Variants in SMOC2 observed in about 807,000 individuals in gnomAD.
SMOC2 encodes the protein SPARC-related modular calcium-binding protein 2.
A neutral mutation model predicts 61.4 loss-of-function variants in SMOC2; 39 were observed. The ratio of observed to expected loss-of-function variants is 0.64; its 90% CI spans 0.49 to 0.83. SMOC2 has a LOEUF of 0.83. Ranked by LOEUF, SMOC2 falls within the 40% of genes least tolerant of loss-of-function variation. SMOC2 has a pLI of 0.00. For missense variants in SMOC2, 556 were observed against 592.9 expected (o/e 0.94, Z 0.65); for synonymous variants, 247 against 239.9 (o/e 1.03, Z -0.27).
intron 1 of SMOC2, among the ~76,000 whole-genome samples, chr6:168,503,070 T>C (rs1359083460): frequency 9.4e-5 from 10 of 106,942 alleles, no homozygotes; most frequent in Non-Finnish European, 1.1e-4. Context: ...CTGGCCTTTT[T>C]TTTTTTTTTT....
intron 1 of SMOC2, among the ~76,000 whole-genome samples, chr6:168,458,578 T>C (rs1378550450): frequency 6.6e-6 from 1 of 152,174 alleles, no homozygotes; most frequent in Non-Finnish European, 1.5e-5. Flanking sequence ...CAACACCCTT[T>C]GCCTTCATTG....
chr6:168,664,507 C>G (rs1238210948), intron 12 of SMOC2: 1 of 395,216 alleles, frequency 2.5e-6, no homozygotes, highest in Non-Finnish European at 4.9e-6. Context: ...CGCCACCGTA[C>G]CCGGCTGAAT....
Position 168,527,740 on chromosome 6 carries a change from TG to T in SMOC2, c.463+14del, listed in dbSNP as rs1175544859. 12 of 1,531,092 alleles carry T rather than the reference TG, an allele frequency of 7.8e-6. No individual in the cohort carries two copies. In the African/African-American group the frequency reaches 1.4e-4, roughly 18 times the overall value. 94.8% of individuals were successfully genotyped at this position (1,531,092 alleles called of 1,614,324 possible). The stretch of plus-strand genomic sequence containing the variant: ...CCCCGGTGCCCGGGTAGGTCTGACG[TG>T]CCTTTCCAAGTGGAAGGCTTGAAGG... On this transcript the variant is annotated intron_variant, in intron 4 of 12. Coordinates refer to ENST00000356284, the MANE Select transcript of SMOC2 (RefSeq NM_001166412.2).
At chr6:168,505,357 A>G (rs569593075) in intron 1 of SMOC2, among the ~76,000 whole-genome samples, 2 of 150,680 alleles carry the variant, frequency 1.3e-5, no homozygotes, top group Non-Finnish European at 2.9e-5. Context: ...CAGATGCCAG[A>G]TGAATGACTG....
chr6:168,465,032 C>T (rs1362599225), intron 1 of SMOC2, among the ~76,000 whole-genome samples: 5 of 152,020 alleles, frequency 3.3e-5, no homozygotes, highest in South Asian at 4.2e-4. Context: ...CGTCCAGGAG[C>T]GGCCCCACCT....
intron 1 of SMOC2, among the ~76,000 whole-genome samples, chr6:168,469,033 T>C (rs1472274189): frequency 7.9e-5 from 12 of 152,264 alleles, no homozygotes; most frequent in Admixed American, 7.8e-4. Flanking sequence ...CAGGTCTGGC[T>C]AACCTTGGCT....
intron 7 of SMOC2, among the ~76,000 whole-genome samples, chr6:168,595,061 G>C (rs71536612): frequency 0.42 from 3,272 of 7,860 alleles, 525 homozygotes; most frequent in Middle Eastern, 0.56. Flanking sequence ...TCTAGAGGAT[G>C]GCCGAGCTCC....
intron 1 of SMOC2, among the ~76,000 whole-genome samples, chr6:168,507,078 A>G (rs1178245503): frequency 1.3e-5 from 2 of 152,234 alleles, no homozygotes; most frequent in African/African-American, 2.4e-5. Context: ...TACATTATCA[A>G]GAATTATGGT....
At chr6:168,473,379 C>A (rs1453597388) in intron 1 of SMOC2, among the ~76,000 whole-genome samples, 1 of 152,194 alleles carries the variant, frequency 6.6e-6, no homozygotes, top group Non-Finnish European at 1.5e-5. Flanking sequence ...TGCTCAGGTC[C>A]TTTCCCTGCA....
At chr6:168,534,914 G>A (rs941075507) in intron 4 of SMOC2, among the ~76,000 whole-genome samples, 1 of 152,124 alleles carries the variant, frequency 6.6e-6, no homozygotes, top group African/African-American at 2.4e-5. Context: ...GCCCCAATTT[G>A]TATAGGTCTA....
At chr6:168,580,816 G>A (rs545296225) in intron 7 of SMOC2, among the ~76,000 whole-genome samples, 165 of 152,300 alleles carry the variant, frequency 1.1e-3, no homozygotes, top group African/African-American at 3.8e-3. Flanking sequence ...GTGTGGGTAA[G>A]CCACCATGCC....
rs774504067 is a variant in SMOC2, at chr6:168,608,115, G to A, written c.825-42G>A. The A allele has an allele frequency of 6.3e-5, 100 of 1,576,374 alleles. 1 individual carries two copies. The highest frequency in any genetic ancestry group is 3.0e-4 in the South Asian group (26 of 87,480). Reference sequence around the variant, plus strand: ...ACAAACCACAGCTGGTCTCAAGCCCGTTGTTTTCTCTCTCCTTCCCCCGCC... The same window carrying A: ...ACAAACCACAGCTGGTCTCAAGCCCATTGTTTTCTCTCTCCTTCCCCCGCC... On this transcript the variant is annotated intron_variant, in intron 8 of 12. Coordinates refer to ENST00000356284, the MANE Select transcript of SMOC2 (RefSeq NM_001166412.2).
intron 9 of SMOC2, among the ~76,000 whole-genome samples, chr6:168,638,033 C>T (rs1447296976): frequency 2.0e-5 from 3 of 149,632 alleles, no homozygotes; most frequent in Non-Finnish European, 4.5e-5. Context: ...TGCACATCTG[C>T]GCACTCCCTG....
chr6:168,577,632 G>T (rs1183616549), intron 7 of SMOC2, among the ~76,000 whole-genome samples: 1 of 152,168 alleles, frequency 6.6e-6, no homozygotes, highest in East Asian at 1.9e-4. Flanking sequence ...ATCCTGGACT[G>T]GCTCTATCTG....
intron 9 of SMOC2, among the ~76,000 whole-genome samples, chr6:168,628,730 T>C (rs538336236): frequency 6.6e-6 from 1 of 152,384 alleles, no homozygotes; most frequent in African/African-American, 2.4e-5. Context: ...TAGATGGGAC[T>C]GTGCTGAAGG....
chr6:168,570,620 A>G (rs1481873561), intron 7 of SMOC2, among the ~76,000 whole-genome samples: 1 of 152,222 alleles, frequency 6.6e-6, no homozygotes, highest in Non-Finnish European at 1.5e-5. Context: ...GAAAGTTGGA[A>G]GCATCTACAA....
chr6:168,621,118 G>A (rs1219131875), intron 9 of SMOC2, among the ~76,000 whole-genome samples: 1 of 149,736 alleles, frequency 6.7e-6, no homozygotes, highest in Admixed American at 6.6e-5. Flanking sequence ...TTTCAGAAAC[G>A]TCAGAGGTTT....
intron 2 of SMOC2, among the ~76,000 whole-genome samples, chr6:168,512,640 G>T (rs927409796): frequency 1.3e-5 from 2 of 152,204 alleles, no homozygotes; most frequent in African/African-American, 4.8e-5. Context: ...GGACAGGTTT[G>T]GCAAGCACAG....
chr6:168,471,918 T>C (rs1363407781), intron 1 of SMOC2, among the ~76,000 whole-genome samples: 1 of 152,274 alleles, frequency 6.6e-6, no homozygotes, highest in Admixed American at 6.5e-5. Context: ...TGTTGACTTG[T>C]ATAAGTTCTT....
Sources: allele counts gnomAD v4.1 joint callset (sites outside exome capture counted in the v4.1 genomes callset), GRCh38; gene constraint gnomAD v4.1.1; transcripts MANE v1.5; gene names NCBI Gene and HGNC (gene_info 2026-07-23, HGNC 2026-07-21).